PDGFD: variants seen among roughly 807,000 people sequenced by gnomAD.
The protein encoded by PDGFD is platelet derived growth factor D, also known as platelet-derived growth factor D.
In PDGFD, 30 loss-of-function variants were observed where a neutral mutation model predicts 44.7. The ratio of observed to expected loss-of-function variants is 0.67; its 90% CI spans 0.50 to 0.91. The LOEUF is 0.91. Among genes scored for constraint, PDGFD ranks in the 40% least tolerant of loss-of-function variants. The pLI is 0.00. For synonymous variants in PDGFD, 173 were observed against 168.4 expected (o/e 1.03, Z -0.21); for missense variants, 445 against 457.8 (o/e 0.97, Z 0.25).
intron 3 of PDGFD, among the ~76,000 whole-genome samples, chr11:103,958,270 C>T (rs1017710687): frequency 2.6e-5 from 4 of 152,160 alleles, no homozygotes; most frequent in Non-Finnish European, 5.9e-5. Flanking sequence ...TCTCTGTACT[C>T]TTTCATCTTT....
At chr11:104,022,354 C>T (rs1859968698) in intron 1 of PDGFD, among the ~76,000 whole-genome samples, 1 of 152,156 alleles carries the variant, frequency 6.6e-6, no homozygotes, top group Non-Finnish European at 1.5e-5. Context: ...TTGGACTCAA[C>T]AGCCTTAAAG....
intron 3 of PDGFD, among the ~76,000 whole-genome samples, chr11:103,977,169 T>C (rs940479887): frequency 6.6e-6 from 1 of 152,010 alleles, no homozygotes; most frequent in Non-Finnish European, 1.5e-5. Context: ...AATAGACCAA[T>C]AACAAGTTCT....
At chr11:104,063,693 T>C (rs1860746612) in intron 1 of PDGFD, among the ~76,000 whole-genome samples, 1 of 152,124 alleles carries the variant, frequency 6.6e-6, no homozygotes, top group Non-Finnish European at 1.5e-5. Context: ...AGGCACATGT[T>C]ACATGGCAGC....
intron 6 of PDGFD, among the ~76,000 whole-genome samples, chr11:103,926,097 T>TGG (rs1858311521): frequency 6.6e-6 from 1 of 152,140 alleles, no homozygotes; most frequent in Non-Finnish European, 1.5e-5. Context: ...CTGGAACCAG[T>TGG]GGATTGGAGT....
At position 103,907,344 on chromosome 11, in the gene PDGFD, T is replaced by G. The variant is rs953453677; in HGVS notation, c.*2350A>C. The G allele has an allele frequency of 6.6e-6, 1 of 152,210 alleles. No homozygotes were observed. The highest frequency in any genetic ancestry group is 2.4e-5 in the African/African-American group (1 of 41,458). The allele number at this position is 152,210 out of a possible 1,614,324, so 9.4% of individuals were successfully genotyped here. Reference sequence around the variant, plus strand: ...AAGTGTTTTGCCCTATAAGAACATATTCAATAAAAGGCATTATTCCAGGTG... The same window carrying G: ...AAGTGTTTTGCCCTATAAGAACATAGTCAATAAAAGGCATTATTCCAGGTG... On this transcript the variant is annotated 3_prime_UTR_variant, in exon 7 of 7. Transcript: ENST00000393158.
intron 5 of PDGFD, 23 bp from the exon 6 acceptor site, chr11:103,927,149 T>C: frequency 1.2e-6 from 2 of 1,601,218 alleles, no homozygotes. Flanking sequence ...ACATGCACTG[T>C]GTAAGCAAAC....
intron 1 of PDGFD, among the ~76,000 whole-genome samples, chr11:104,103,520 A>G (rs1438006093): frequency 1.3e-5 from 2 of 148,902 alleles, no homozygotes; most frequent in Non-Finnish European, 3.0e-5. Context: ...ATCTAAATAT[A>G]TATGGAAGGA....
chr11:104,125,200 G>C lies in PDGFD; in HGVS notation c.124+38604C>G, dbSNP rs144110682. Among the ~76,000 whole-genome samples, 1,096 of 152,230 alleles carry C rather than the reference G, an allele frequency of 7.2e-3. 7 individuals are homozygous for C. Among genetic ancestry groups the C allele is most frequent in the African/African-American group, 0.024 (981 of 41,538 alleles). ...GGTTAGAAAATGTGTCTCCTTCACAGCATGGCTCAGAGGTCAAGCAGCACA... is the reference window on the plus strand; with the variant it reads ...GGTTAGAAAATGTGTCTCCTTCACACCATGGCTCAGAGGTCAAGCAGCACA... On this transcript the variant is annotated intron_variant, in intron 1 of 6. Coordinates refer to ENST00000393158, the MANE Select transcript of PDGFD (RefSeq NM_025208.5).
intron 4 of PDGFD, among the ~76,000 whole-genome samples, chr11:103,945,114 G>A (rs1288262688): frequency 3.3e-5 from 5 of 151,992 alleles, no homozygotes; most frequent in Non-Finnish European, 7.4e-5. Context: ...CTGGAGGCAC[G>A]GTCTTTGTCA....
At chr11:104,036,241 G>T (rs951343907) in intron 1 of PDGFD, among the ~76,000 whole-genome samples, 3 of 151,950 alleles carry the variant, frequency 2.0e-5, no homozygotes, top group African/African-American at 7.3e-5. Context: ...GGAGTTGGAG[G>T]CCAGCCCGGA....
At chr11:103,916,234 C>CA (rs1858123183) in intron 6 of PDGFD, among the ~76,000 whole-genome samples, 1 of 152,016 alleles carries the variant, frequency 6.6e-6, no homozygotes, top group African/African-American at 2.4e-5. Context: ...AGAACTTAAA[C>CA]AAATTTACAA....
intron 3 of PDGFD, among the ~76,000 whole-genome samples, chr11:103,948,643 G>C (rs1208076164): frequency 6.6e-6 from 1 of 152,108 alleles, no homozygotes; most frequent in Non-Finnish European, 1.5e-5. Flanking sequence ...GTTTTGAGAG[G>C]ATGCTGAGAA....
chr11:104,079,802 T>A (rs564670707), intron 1 of PDGFD, among the ~76,000 whole-genome samples: 2 of 113,504 alleles, frequency 1.8e-5, no homozygotes, highest in African/African-American at 5.0e-5. Context: ...TAGATATATA[T>A]ATATAAAACC....
At chr11:103,986,648 G>C (rs73602312) in intron 3 of PDGFD, among the ~76,000 whole-genome samples, 1 of 152,104 alleles carries the variant, frequency 6.6e-6, no homozygotes, top group Non-Finnish European at 1.5e-5. Flanking sequence ...CTGAGTGTAG[G>C]CCAAACTAAC....
intron 5 of PDGFD, among the ~76,000 whole-genome samples, chr11:103,932,987 T>C (rs1858428963): frequency 6.6e-6 from 1 of 152,184 alleles, no homozygotes; most frequent in African/African-American, 2.4e-5. Context: ...ATGCATGAGA[T>C]GACTGGCACC....
intron 1 of PDGFD, among the ~76,000 whole-genome samples, chr11:104,161,310 AATC>A (rs1862384041): frequency 6.6e-6 from 1 of 152,202 alleles, no homozygotes; most frequent in African/African-American, 2.4e-5. Flanking sequence ...ATCATGTCTT[AATC>A]TGATAGTCAA....
At chr11:103,993,822 G>A (rs1230865957) in intron 3 of PDGFD, among the ~76,000 whole-genome samples, 3 of 152,096 alleles carry the variant, frequency 2.0e-5, no homozygotes, top group Non-Finnish European at 4.4e-5. Context: ...CCATATTTAA[G>A]GCCAGAAGCC....
chr11:103,939,459 A>C (rs922253972), intron 5 of PDGFD, among the ~76,000 whole-genome samples: 1 of 152,152 alleles, frequency 6.6e-6, no homozygotes. Context: ...TTTTGGGCTG[A>C]GATGATGGGG....
intron 1 of PDGFD, among the ~76,000 whole-genome samples, chr11:104,059,438 C>T (rs1280469988): frequency 6.6e-6 from 1 of 152,042 alleles, no homozygotes; most frequent in Admixed American, 6.5e-5. Context: ...AAACTAAATA[C>T]AAAGTATCTT....
Sources: allele counts gnomAD v4.1 joint callset (sites outside exome capture counted in the v4.1 genomes callset), GRCh38; gene constraint gnomAD v4.1.1; transcripts MANE v1.5; gene names NCBI Gene and HGNC (gene_info 2026-07-23, HGNC 2026-07-21).